Variants in CCDC169 observed in about 807,000 individuals in gnomAD.
CCDC169 encodes the protein coiled-coil domain-containing protein 169.
A neutral mutation model predicts 36.0 loss-of-function variants in CCDC169; 30 were observed. The ratio of observed to expected loss-of-function variants is 0.83; its 90% confidence interval spans 0.62 to 1.13. CCDC169 has a LOEUF of 1.13. Among genes scored for constraint, CCDC169 ranks in the 50% most tolerant of loss-of-function variants. CCDC169 has a pLI of 0.00. For missense variants in CCDC169, 245 were observed against 245.9 expected, an observed-to-expected ratio of 1.00 and a Z score of 0.03; for synonymous variants, 85 against 81.5, an observed-to-expected ratio of 1.04 and a Z score of -0.23.
chr13:36,240,200 C>T (rs1871616280), intron 7 of CCDC169, among the ~76,000 whole-genome samples: 3 of 151,850 alleles, frequency 2.0e-5, no homozygotes, highest in Non-Finnish European at 4.4e-5. Flanking sequence ...ATTTATACTG[C>T]TATTATGACT....
chr13:36,276,259 C>A (rs533223929), intron 4 of CCDC169, among the ~76,000 whole-genome samples: 1 of 152,242 alleles, frequency 6.6e-6, no homozygotes, highest in Non-Finnish European at 1.5e-5. Flanking sequence ...GAAATATACT[C>A]TTTTTCTAAG....
chr13:36,262,663 C>T (rs185143123), intron 4 of CCDC169, among the ~76,000 whole-genome samples: 84 of 152,230 alleles, frequency 5.5e-4, no homozygotes, highest in Non-Finnish European at 1.1e-3. Context: ...CTGGATAGCC[C>T]AGCATAGCAT....
At chr13:36,286,355 G>A (rs1245743066) in intron 2 of CCDC169, among the ~76,000 whole-genome samples, 1 of 152,168 alleles carries the variant, frequency 6.6e-6, no homozygotes, top group Non-Finnish European at 1.5e-5. Context: ...TGCCTCTTTT[G>A]GGGTGTCGCT....
At chr13:36,235,916 G>T (rs1372180924) in intron 7 of CCDC169, among the ~76,000 whole-genome samples, 1 of 151,824 alleles carries the variant, frequency 6.6e-6, no homozygotes, top group Non-Finnish European at 1.5e-5. Flanking sequence ...GCATCAAAAA[G>T]AATACAGTTT....
intron 4 of CCDC169, among the ~76,000 whole-genome samples, chr13:36,269,504 C>T (rs187029866): frequency 6.6e-6 from 1 of 152,172 alleles, no homozygotes; most frequent in Admixed American, 6.5e-5. Context: ...CCCTGATGAA[C>T]ATAGAGGCAG....
At chr13:36,246,821 T>C (rs1231105770) in intron 7 of CCDC169, among the ~76,000 whole-genome samples, 1 of 152,198 alleles carries the variant, frequency 6.6e-6, no homozygotes, top group Admixed American at 6.5e-5. Flanking sequence ...TTCTCCATTA[T>C]TATCAAGCCT....
downstream of CCDC169, chr13:36,227,264 G>C (rs769279522): frequency 4.2e-5 from 65 of 1,551,334 alleles, no homozygotes; most frequent in Admixed American, 9.8e-5. Flanking sequence ...AGGCGGGCCA[G>C]AGTGCTTTTT....
At chr13:36,230,098 G>A (rs9546794), downstream of CCDC169, among the ~76,000 whole-genome samples, 61,649 of 151,914 alleles carry the variant, frequency 0.41, 13,279 homozygotes, top group Non-Finnish European at 0.48. Context: ...TCTTCCTTAA[G>A]GAAAGAAAAT....
At chr13:36,275,561 A>G (rs553246936) in intron 4 of CCDC169, among the ~76,000 whole-genome samples, 1 of 152,364 alleles carries the variant, frequency 6.6e-6, no homozygotes, top group African/African-American at 2.4e-5. Context: ...AATAACCTCA[A>G]TACTTTAAAA....
At chr13:36,282,523 AC>A in intron 4 of CCDC169, 1 of 985,266 alleles carries the variant, frequency 1.0e-6, no homozygotes, top group Non-Finnish European at 1.2e-6. Context: ...TCATGAAAGC[AC>A]CTGTCCAGAG....
chr13:36,222,073 C>T (rs930806624), exon 7 of CCDC169: 7 of 152,050 alleles, frequency 4.6e-5, no homozygotes, highest in Non-Finnish European at 7.4e-5. Flanking sequence ...TTACTTCTGG[C>T]TTTGAGAGTA....
At chr13:36,230,170 G>T (rs188618425), downstream of CCDC169, among the ~76,000 whole-genome samples, 33 of 152,266 alleles carry the variant, frequency 2.2e-4, no homozygotes, top group Admixed American at 1.5e-3. Flanking sequence ...ATACATAATA[G>T]AATTTAGGTT....
At chr13:36,286,550 T>C (rs1212753622) in intron 2 of CCDC169, among the ~76,000 whole-genome samples, 2 of 152,144 alleles carry the variant, frequency 1.3e-5, no homozygotes, top group Non-Finnish European at 2.9e-5. Flanking sequence ...AGGGATTTGT[T>C]TGGATGCACA....
chr13:36,229,307 C>T (rs1407174447), downstream of CCDC169, among the ~76,000 whole-genome samples: 2 of 152,048 alleles, frequency 1.3e-5, no homozygotes, highest in African/African-American at 4.8e-5. Flanking sequence ...TCTCAACATT[C>T]CATCATTCTG....
At chr13:36,256,234 C>T (rs11147600) in intron 4 of CCDC169, among the ~76,000 whole-genome samples, 24,246 of 152,116 alleles carry the variant, frequency 0.16, 1,991 homozygotes, top group Non-Finnish European at 0.18. Flanking sequence ...TGTTTTTTCA[C>T]GCTTTTCTCA....
At chr13:36,287,921 C>T (rs1318424694) in intron 2 of CCDC169, among the ~76,000 whole-genome samples, 3 of 152,054 alleles carry the variant, frequency 2.0e-5, no homozygotes, top group African/African-American at 7.2e-5. Context: ...TCAGCAAATA[C>T]ATTTAATTTT....
intron 7 of CCDC169, among the ~76,000 whole-genome samples, chr13:36,235,127 A>G (rs1378121241): frequency 6.6e-6 from 1 of 152,036 alleles, no homozygotes; most frequent in East Asian, 1.9e-4. Flanking sequence ...CACTATTGAA[A>G]TTAAGTTGTT....
chr13:36,253,494 G>A (rs756687786), intron 6 of CCDC169, among the ~76,000 whole-genome samples: 17 of 151,680 alleles, frequency 1.1e-4, no homozygotes, highest in Non-Finnish European at 1.9e-4. Flanking sequence ...CCACCACCAC[G>A]CCCAACTAAT....
chr13:36,239,623 A>T (rs1361145340), intron 7 of CCDC169, among the ~76,000 whole-genome samples: 1 of 152,150 alleles, frequency 6.6e-6, no homozygotes, highest in African/African-American at 2.4e-5. Flanking sequence ...GGGATTTTTA[A>T]AAATAATCTC....
Sources: gnomAD v4.1 joint callset for allele counts (sites outside exome capture counted in the v4.1 genomes callset) on GRCh38, gnomAD v4.1.1 for gene constraint, MANE v1.5 for transcripts, NCBI Gene and HGNC (gene_info 2026-07-23, HGNC 2026-07-21) for gene names.